USP43: variants seen among roughly 807,000 people sequenced by gnomAD.
USP43 encodes the protein ubiquitin specific peptidase 43.
A neutral mutation model predicts 90.7 loss-of-function variants in USP43; 33 were observed. The observed-to-expected ratio is 0.36, with a 90% confidence interval of 0.28 to 0.49. The LOEUF (loss-of-function observed/expected upper bound fraction) is 0.49. USP43 is among the 20% of genes least tolerant of loss of function. The pLI is 0.98. For synonymous variants in USP43, 598 were observed against 615.8 expected, an observed-to-expected ratio of 0.97 and a Z score of 0.43; for missense variants, 1,274 against 1,476.4, an observed-to-expected ratio of 0.86 and a Z score of 2.25.
At chr17:9,681,363 TAAA>T (rs1370543134) in intron 6 of USP43, among the ~76,000 whole-genome samples, 1 of 113,660 alleles carries the variant, frequency 8.8e-6, no homozygotes, top group East Asian at 2.2e-4. Flanking sequence ...ATAAATAAAA[TAAA>T]TAAATATATA....
Position 9,674,815 on chromosome 17 carries a change from A to G in USP43, c.741-76A>G. On this transcript the variant is annotated intron_variant, in intron 3 of 14. Transcript: ENST00000285199. This position sits in a 1 kb window ranked among gnomAD's most constrained non-coding sequence, Gnocchi z 4.4. ...AATCACAGGGAGTGGAAATGCAAGGATAATTCTGTATTGAATTTTACCCCC... is the reference window on the plus strand; with the variant it reads ...AATCACAGGGAGTGGAAATGCAAGGGTAATTCTGTATTGAATTTTACCCCC... 1 of 1,225,570 alleles carries G rather than the reference A, an allele frequency of 8.2e-7. No homozygotes were observed. Among genetic ancestry groups the G allele is most frequent in the Non-Finnish European group, 1.2e-6 (1 of 830,502 alleles). The allele number at this position is 1,225,570 out of a possible 1,614,324, so 75.9% of individuals were successfully genotyped here. A position where few individuals can be genotyped will look rare whatever the true frequency, so the allele number is the denominator to read the frequency against.
chr17:9,697,423 C>G (rs1352974733), intron 9 of USP43, among the ~76,000 whole-genome samples: 2 of 151,654 alleles, frequency 1.3e-5, no homozygotes, highest in Non-Finnish European at 2.9e-5. Flanking sequence ...TTCTATATAA[C>G]CCATCACTCA....
intron 1 of USP43, among the ~76,000 whole-genome samples, chr17:9,655,592 G>C (rs1912185892): frequency 6.6e-6 from 1 of 152,138 alleles, no homozygotes; most frequent in African/African-American, 2.4e-5. Flanking sequence ...ACAGCGCAAG[G>C]GATACCAGGA....
chr17:9,662,022 T>G (rs899234824), intron 2 of USP43, among the ~76,000 whole-genome samples: 1 of 152,108 alleles, frequency 6.6e-6, no homozygotes. Flanking sequence ...CAGGCAGCTG[T>G]GAGGGTATCT....
At chr17:9,669,227 T>C (rs1913238854) in intron 3 of USP43, among the ~76,000 whole-genome samples, 1 of 151,804 alleles carries the variant, frequency 6.6e-6, no homozygotes, top group African/African-American at 2.4e-5. Flanking sequence ...ATAGAGAAAG[T>C]GAAAGAAGAA....
intron 3 of USP43, among the ~76,000 whole-genome samples, chr17:9,671,159 G>C (rs1201879575): frequency 6.6e-6 from 1 of 152,206 alleles, no homozygotes; most frequent in East Asian, 1.9e-4. Context: ...GAGTACCGAA[G>C]ATCCTGGACT....
At position 9,679,485 on chromosome 17, in the gene USP43, A is replaced by T. The variant is rs190901228; in HGVS notation, c.970-746A>T. Among the ~76,000 whole-genome samples, 447 of 142,492 alleles carry T rather than the reference A, an allele frequency of 3.1e-3. 1 individual carries two copies. Among genetic ancestry groups the T allele is most frequent in the Admixed American group, 6.7e-3 (89 of 13,332 alleles). The allele number at this position is 142,492 out of a possible 152,430, so 93.5% of individuals were successfully genotyped here. A position where few individuals can be genotyped will look rare whatever the true frequency, so the allele number is the denominator to read the frequency against. Reference sequence around the variant, plus strand: ...CTCCCAAAGTGTTGGGATTATAGGCATGAGCCACGGTGCCCAGCCCTGAAA... The same window carrying T: ...CTCCCAAAGTGTTGGGATTATAGGCTTGAGCCACGGTGCCCAGCCCTGAAA... On this transcript the variant is annotated intron_variant, in intron 5 of 14. Transcript: ENST00000285199.
intron 12 of USP43, among the ~76,000 whole-genome samples, chr17:9,703,658 G>A (rs1915705238): frequency 1.3e-5 from 2 of 152,200 alleles, no homozygotes; most frequent in Admixed American, 1.3e-4. Flanking sequence ...AGGGCAGTGT[G>A]TGCAGCCAAC....
chr17:9,664,333 T>G (rs1191735507), intron 2 of USP43, among the ~76,000 whole-genome samples: 1 of 152,192 alleles, frequency 6.6e-6, no homozygotes, highest in Admixed American at 6.5e-5. Flanking sequence ...GGATGTACTT[T>G]GAAGTAAATT....
chr17:9,677,495 A>T (rs982605749), intron 5 of USP43, among the ~76,000 whole-genome samples: 4 of 152,238 alleles, frequency 2.6e-5, no homozygotes, highest in African/African-American at 9.6e-5. Flanking sequence ...GGAAGCTGGG[A>T]TGGCTGTGTT....
In USP43 at chr17:9,693,184, T is replaced by G; in HGVS notation, c.1411T>G (p.Leu471Val). ...VVGLSVACSY[L>V]SPKDSRPLCH... The stretch of plus-strand genomic sequence containing the variant: ...GGGACTCTCTGTGGCCTGCAGCTAT[T>G]TGTCTCCGAAGGACAGTCGGCCCCT... Residue 471 changes from leucine (L) to valine (V), a missense_variant, in exon 9 of 15, where the codon TTG becomes GTG. By Grantham distance (32) the Leu-to-Val change is conservative. Coordinates refer to ENST00000285199, the MANE Select transcript of USP43 (RefSeq NM_153210.5). The G allele has an allele frequency of 6.2e-7, 1 of 1,613,770 alleles. No homozygotes were observed. Among genetic ancestry groups the G allele is most frequent in the Non-Finnish European group, 8.5e-7 (1 of 1,179,852 alleles).
intron 1 of USP43, among the ~76,000 whole-genome samples, chr17:9,653,307 G>A (rs1428552000): frequency 6.6e-6 from 1 of 152,252 alleles, no homozygotes; most frequent in East Asian, 1.9e-4. Flanking sequence ...AAAGGTCTAA[G>A]CCAAGTGCAG....
chr17:9,663,889 T>C (rs1912821711), intron 2 of USP43, among the ~76,000 whole-genome samples: 1 of 152,184 alleles, frequency 6.6e-6, no homozygotes, highest in African/African-American at 2.4e-5. Flanking sequence ...CCTCCAAAAG[T>C]GCTGGGATTA....
intron 1 of USP43, 90 bp downstream of exon 1, chr17:9,646,226 C>T (rs894569880): frequency 7.4e-7 from 1 of 1,346,934 alleles, no homozygotes; most frequent in Non-Finnish European, 9.5e-7. Context: ...TTTCTTGGGG[C>T]CTTCTTTAAA....
At position 9,686,770 on chromosome 17, in the gene USP43, G is replaced by T; in HGVS notation, c.1242-28G>T. ...GATGTTGCTGGTTTTTCCTTTGCTG[G>T]GATAACCCGATTTCCTTGGATTTTC... On this transcript the variant is annotated intron_variant, in intron 7 of 14. Coordinates refer to ENST00000285199, the MANE Select transcript of USP43 (RefSeq NM_153210.5). The surrounding 1 kb of genome is among the most constrained non-coding windows in gnomAD (Gnocchi z 5.5). The T allele has an allele frequency of 6.2e-7, 1 of 1,606,646 alleles. No homozygotes were observed. The highest frequency in any genetic ancestry group is 1.1e-5 in the South Asian group (1 of 90,434).
chr17:9,692,427 G>T (rs935888367), intron 8 of USP43, among the ~76,000 whole-genome samples: 1 of 152,142 alleles, frequency 6.6e-6, no homozygotes, highest in African/African-American at 2.4e-5. Context: ...GTCTTGATTT[G>T]CATTTCTCTA....
At chr17:9,725,232 C>T (rs1917201157) in intron 14 of USP43, among the ~76,000 whole-genome samples, 1 of 151,878 alleles carries the variant, frequency 6.6e-6, no homozygotes, top group Non-Finnish European at 1.5e-5. Context: ...GGCTTTATAA[C>T]CTTCAGGAAG....
At chr17:9,650,857 G>A (rs1911810148) in intron 1 of USP43, among the ~76,000 whole-genome samples, 1 of 151,958 alleles carries the variant, frequency 6.6e-6, no homozygotes, top group Non-Finnish European at 1.5e-5. Flanking sequence ...AATTTTAATA[G>A]GTTTTTGGGG....
At chr17:9,716,169 A>G (rs1916559520) in intron 14 of USP43, among the ~76,000 whole-genome samples, 1 of 152,052 alleles carries the variant, frequency 6.6e-6, no homozygotes, top group African/African-American at 2.4e-5. Context: ...AAGTGGTAAC[A>G]TGTTCAAATT....
Sources: allele counts gnomAD v4.1 joint callset (sites outside exome capture counted in the v4.1 genomes callset), GRCh38; gene constraint gnomAD v4.1.1; non-coding constraint Gnocchi (gnomAD v3.1); transcripts MANE v1.5; gene names NCBI Gene and HGNC (gene_info 2026-07-23, HGNC 2026-07-21).